The following TCF12 variants were observed in gnomAD, a reference collection of about 807,000 sequenced individuals.
TCF12 encodes the protein transcription factor 12, also known as DNA-binding protein HTF4.
In TCF12, 45 loss-of-function variants were observed where a neutral mutation model predicts 86.0. That is an observed-to-expected ratio of 0.52 (90% CI 0.41 to 0.67). The LOEUF (loss-of-function observed/expected upper bound fraction) is 0.67. Among genes scored for constraint, TCF12 ranks in the 30% least tolerant of loss-of-function variants. The pLI is 0.00. For missense variants in TCF12, 881 were observed against 859.9 expected, an observed-to-expected ratio of 1.02 and a Z score of -0.31; for synonymous variants, 330 against 299.6, an observed-to-expected ratio of 1.10 and a Z score of -1.05.
intron 5 of TCF12, among the ~76,000 whole-genome samples, chr15:57,154,068 G>A (rs950521194): frequency 6.6e-6 from 1 of 151,686 alleles, no homozygotes; most frequent in Non-Finnish European, 1.5e-5. Flanking sequence ...GAGATAAATA[G>A]TAGACGTGTA....
At chr15:57,025,154 A>C (rs762562005) in intron 3 of TCF12, among the ~76,000 whole-genome samples, 34 of 151,842 alleles carry the variant, frequency 2.2e-4, no homozygotes, top group Non-Finnish European at 4.3e-4. Context: ...ATCGCAGCTC[A>C]TTGCAGCCTC....
intron 5 of TCF12, among the ~76,000 whole-genome samples, chr15:57,092,301 A>C (rs183334725): frequency 6.6e-5 from 10 of 152,178 alleles, no homozygotes; most frequent in Admixed American, 2.6e-4. Context: ...GCATTGGACA[A>C]TATTTCTCCT....
chr15:57,263,975 G>C (rs2060712622), intron 18 of TCF12, among the ~76,000 whole-genome samples: 1 of 151,930 alleles, frequency 6.6e-6, no homozygotes, highest in Non-Finnish European at 1.5e-5. Context: ...GGACATTTCT[G>C]TACACTATTG....
intron 6 of TCF12, among the ~76,000 whole-genome samples, chr15:57,178,583 C>T (rs547202534): frequency 1.3e-5 from 2 of 152,328 alleles, no homozygotes; most frequent in South Asian, 4.1e-4. Context: ...ATTTCATCTC[C>T]TGTTCTTCTA....
chr15:57,106,777 C>T (rs2050160333), intron 5 of TCF12, among the ~76,000 whole-genome samples: 2 of 152,196 alleles, frequency 1.3e-5, no homozygotes, highest in Admixed American at 1.3e-4. Context: ...ACAGACACCT[C>T]ACCCAGGAAG....
rs533993287 is a variant in TCF12 at position 57,012,445 on chromosome 15, G to T, written c.149-51305G>T. On this transcript the variant is annotated intron_variant, in intron 3 of 20. Transcript: ENST00000333725. ...TTTCTTCACCTATTAAGATATATAA[G>T]TAGAAACTATTATTCTAACTCTTGT... Among the ~76,000 whole-genome samples the T allele has an allele frequency of 2.0e-5, 3 of 152,264 alleles. No individual in the cohort carries two copies. In the East Asian group the frequency reaches 5.8e-4, roughly 29 times the overall value.
intron 3 of TCF12, among the ~76,000 whole-genome samples, chr15:56,990,988 G>C (rs1315080719): frequency 2.0e-5 from 3 of 151,840 alleles, no homozygotes; most frequent in Non-Finnish European, 4.4e-5. Context: ...TAGAGATGGG[G>C]TCTCACCATG....
chr15:57,252,764 C>A (rs778546612), intron 15 of TCF12, among the ~76,000 whole-genome samples: 15 of 151,946 alleles, frequency 9.9e-5, no homozygotes, highest in Non-Finnish European at 2.1e-4. Context: ...ACAGACAATA[C>A]CATTTATTTA....
At chr15:57,123,808 A>C (rs2051411023) in intron 5 of TCF12, among the ~76,000 whole-genome samples, 1 of 151,736 alleles carries the variant, frequency 6.6e-6, no homozygotes, top group South Asian at 2.1e-4. Context: ...AAAAAACAAA[A>C]AAATAGCCGG....
Position 57,225,220 on chromosome 15 carries a change from C to CTTTTTTT in TCF12, c.580-5907_580-5901dup, listed in dbSNP as rs139530756. 2.5e-4 allele frequency among the ~76,000 whole-genome samples: 10 copies of CTTTTTTT among 39,770 alleles called. 2 individuals are homozygous for CTTTTTTT. The highest frequency in any genetic ancestry group is 9.3e-4 in the African/African-American group (9 of 9,654). The allele number at this position is 39,770 out of a possible 152,430, so 26.1% of individuals were successfully genotyped here. ...TTACCATTTAGGTTACTGATATATG[C>CTTTTTTT]TTTTTTTTTTTTTTTTTTTTTTTTT... On this transcript the variant is annotated intron_variant, in intron 8 of 20. Transcript: ENST00000333725.
rs372985969 is a variant in TCF12 at position 57,187,513 on chromosome 15, AAAT to A, written c.391-4635_391-4633del. Among the ~76,000 whole-genome samples the A allele has an allele frequency of 1.4e-4, 22 of 152,298 alleles. 4 individuals are homozygous for A. Among genetic ancestry groups the A allele is most frequent in the African/African-American group, 5.3e-4 (22 of 41,562 alleles). On this transcript the variant is annotated intron_variant, in intron 6 of 20. Transcript: ENST00000333725. Reference sequence around the variant, plus strand: ...ACACTATGATAGCTGATGAGCAAAAAAATAATAATAATTGCAAAAAAATCTCAT... The same window carrying A: ...ACACTATGATAGCTGATGAGCAAAAAAATAATAATTGCAAAAAAATCTCAT...
intron 8 of TCF12, among the ~76,000 whole-genome samples, chr15:57,226,835 TAAATA>T (rs1326793270): frequency 6.6e-6 from 1 of 152,134 alleles, no homozygotes; most frequent in Non-Finnish European, 1.5e-5. Context: ...AAGCAGTATT[TAAATA>T]AAATAAAATA....
intron 3 of TCF12, among the ~76,000 whole-genome samples, chr15:57,040,164 T>G (rs1332354412): frequency 6.6e-6 from 1 of 152,190 alleles, no homozygotes; most frequent in African/African-American, 2.4e-5. Flanking sequence ...GAAAACATGA[T>G]TATATGGATT....
At chr15:57,244,673 C>T (rs2059779914) in intron 13 of TCF12, among the ~76,000 whole-genome samples, 1 of 152,052 alleles carries the variant, frequency 6.6e-6, no homozygotes, top group East Asian at 1.9e-4. Flanking sequence ...GTTGGCCAGG[C>T]ATGTCTTGAA....
chr15:57,127,335 A>C (rs2051742375), intron 5 of TCF12, among the ~76,000 whole-genome samples: 1 of 152,114 alleles, frequency 6.6e-6, no homozygotes, highest in Non-Finnish European at 1.5e-5. Context: ...AAATATTTAT[A>C]AAACAATTAC....
At chr15:56,927,945 G>A (rs540038282) in intron 3 of TCF12, among the ~76,000 whole-genome samples, 1 of 152,320 alleles carries the variant, frequency 6.6e-6, no homozygotes, top group South Asian at 2.1e-4. Context: ...AATGTGTTGT[G>A]TGGTGACTGG....
intron 4 of TCF12, among the ~76,000 whole-genome samples, chr15:57,086,460 T>G (rs1170452530): frequency 4.0e-5 from 6 of 151,820 alleles, no homozygotes; most frequent in Non-Finnish European, 8.8e-5. Flanking sequence ...CCTGCCAGTC[T>G]GGCTCCAAAA....
At chr15:57,047,842 T>C (rs551501251) in intron 3 of TCF12, among the ~76,000 whole-genome samples, 228 of 152,326 alleles carry the variant, frequency 1.5e-3, no homozygotes, top group African/African-American at 5.4e-3. Context: ...AAGAGTACAG[T>C]GCCTACACAA....
chr15:57,120,949 C>G (rs1349425256), intron 5 of TCF12, among the ~76,000 whole-genome samples: 2 of 152,058 alleles, frequency 1.3e-5, no homozygotes, highest in Non-Finnish European at 2.9e-5. Context: ...CCTCTGCACT[C>G]TAGCCTGGGT....
Sources: gnomAD v4.1 joint callset for allele counts (sites outside exome capture counted in the v4.1 genomes callset) on GRCh38, gnomAD v4.1.1 for gene constraint, MANE v1.5 for transcripts, NCBI Gene and HGNC (gene_info 2026-07-23, HGNC 2026-07-21) for gene names.